Variants in ENPP6 observed in about 807,000 individuals in gnomAD.
The protein encoded by ENPP6 is glycerophosphocholine cholinephosphodiesterase ENPP6.
ENPP6 carries 32 observed loss-of-function variants against 42.0 expected under a neutral mutation model. That is an observed-to-expected ratio of 0.76 (90% CI 0.58 to 1.02). The LOEUF is 1.02. ENPP6 is among the 50% of genes least tolerant of loss of function. ENPP6 has a pLI of 0.00. For missense variants in ENPP6, 552 were observed against 566.8 expected (o/e 0.97, Z 0.27); for synonymous variants, 213 against 216.0 (o/e 0.99, Z 0.12).
intron 1 of ENPP6, among the ~76,000 whole-genome samples, chr4:184,163,222 A>T (rs1297049926): frequency 6.6e-6 from 1 of 152,218 alleles, no homozygotes. Flanking sequence ...CTTTGATGGT[A>T]TCACACATTC....
At chr4:184,185,809 G>A (rs1397128256) in intron 1 of ENPP6, among the ~76,000 whole-genome samples, 1 of 152,176 alleles carries the variant, frequency 6.6e-6, no homozygotes, top group Non-Finnish European at 1.5e-5. Flanking sequence ...CAAACGTACT[G>A]CTTGAAACTT....
At chr4:184,103,589 G>T (rs560270944) in intron 6 of ENPP6, among the ~76,000 whole-genome samples, 13 of 152,198 alleles carry the variant, frequency 8.5e-5, no homozygotes, top group Non-Finnish European at 1.8e-4. Context: ...AGTTTGGCTG[G>T]CTTGGATGGT....
intron 6 of ENPP6, among the ~76,000 whole-genome samples, chr4:184,110,870 G>C (rs1456092280): frequency 6.6e-6 from 1 of 152,148 alleles, no homozygotes; most frequent in Non-Finnish European, 1.5e-5. Flanking sequence ...CGGATGCCTT[G>C]AGGTCTCCCA....
chr4:184,213,647 G>A (rs1288156629), intron 1 of ENPP6, among the ~76,000 whole-genome samples: 2 of 149,442 alleles, frequency 1.3e-5, no homozygotes, highest in African/African-American at 4.9e-5. Context: ...TGGTGGGACT[G>A]TAAACTAGTT....
At chr4:184,143,796 T>C (rs993698955) in intron 2 of ENPP6, among the ~76,000 whole-genome samples, 1 of 152,238 alleles carries the variant, frequency 6.6e-6, no homozygotes, top group Admixed American at 6.5e-5. Context: ...TGCATGGATC[T>C]GGAATCCATG....
intron 1 of ENPP6, among the ~76,000 whole-genome samples, chr4:184,211,360 AAGAG>A (rs945052575): frequency 1.3e-5 from 2 of 152,204 alleles, no homozygotes; most frequent in African/African-American, 4.8e-5. Flanking sequence ...TAAAGAAAAA[AAGAG>A]AGAAGAATCA....
chr4:184,143,354 C>A (rs1265328590), intron 2 of ENPP6, among the ~76,000 whole-genome samples: 1 of 152,228 alleles, frequency 6.6e-6, no homozygotes, highest in Non-Finnish European at 1.5e-5. Context: ...TGGTTCTGAG[C>A]CACTCATAGG....
intron 1 of ENPP6, among the ~76,000 whole-genome samples, chr4:184,210,106 C>A (rs1344396900): frequency 1.3e-5 from 2 of 151,466 alleles, no homozygotes; most frequent in Non-Finnish European, 2.9e-5. Context: ...GGGAAAGGAA[C>A]AACCGGTACC....
chr4:184,107,136 C>A lies in ENPP6; in HGVS notation c.993+5536G>T, dbSNP rs566177118. On this transcript the variant is annotated intron_variant, in intron 6 of 7. Transcript: ENST00000296741. ...AGAACCACGGTGGAGCCAACCTGGG[C>A]GGGACTTCCGTGCTCTGGGGAAGAG... Among the ~76,000 whole-genome samples the A allele has an allele frequency of 5.9e-5, 9 of 152,182 alleles. No homozygotes were observed. The South Asian group carries it at 1.9e-3, about 32-fold the overall frequency.
chr4:184,091,309 G>T lies in ENPP6; in HGVS notation c.1191C>A (p.Gly397=), dbSNP rs761891875. Residue 397 remains glycine (G), a synonymous_variant, in exon 8 of 8, where the codon GGC becomes GGA. Coordinates refer to ENST00000296741, the MANE Select transcript of ENPP6 (RefSeq NM_153343.4). ...ATCCGTTGTTGGGCAGCGGGGTGATGCCCACCACATTGCACATGACATTGT... is the reference window on the plus strand; with the variant it reads ...ATCCGTTGTTGGGCAGCGGGGTGATTCCCACCACATTGCACATGACATTGT... The part of the protein sequence containing the change: ...DVYNVMCNVV[G]ITPLPNNGSW... 1.2e-6 allele frequency: 2 copies of T among 1,613,750 alleles called. No individual in the cohort carries two copies. The highest frequency in any genetic ancestry group is 1.6e-4 in the Middle Eastern group (1 of 6,080).
chr4:184,139,383 T>A (rs1736783045), intron 2 of ENPP6, among the ~76,000 whole-genome samples: 1 of 151,648 alleles, frequency 6.6e-6, no homozygotes. Flanking sequence ...TACTTTAAGT[T>A]TTCGGGTACA....
intron 1 of ENPP6, among the ~76,000 whole-genome samples, chr4:184,170,917 A>G (rs1290653241): frequency 6.6e-6 from 1 of 152,214 alleles, no homozygotes; most frequent in African/African-American, 2.4e-5. Flanking sequence ...TTTTAGTCAC[A>G]AAATCCCTTC....
intron 1 of ENPP6, among the ~76,000 whole-genome samples, chr4:184,183,602 G>A (rs1732589211): frequency 6.6e-6 from 1 of 152,044 alleles, no homozygotes; most frequent in Non-Finnish European, 1.5e-5. Flanking sequence ...CTTCTTTCTT[G>A]GAAAAGCAAA....
At chr4:184,133,336 G>T (rs4343762) in intron 2 of ENPP6, among the ~76,000 whole-genome samples, 97,259 of 151,994 alleles carry the variant, frequency 0.64, 31,435 homozygotes, top group Non-Finnish European at 0.68. Context: ...TTGATATTAA[G>T]TTCTTGAGCC....
chr4:184,204,933 A>G (rs1168899678), intron 1 of ENPP6, among the ~76,000 whole-genome samples: 1 of 152,064 alleles, frequency 6.6e-6, no homozygotes, highest in East Asian at 1.9e-4. Flanking sequence ...TTTTCGCTAT[A>G]GTAATTTTTT....
At chr4:184,208,965 A>G (rs1293739046) in intron 1 of ENPP6, among the ~76,000 whole-genome samples, 3 of 141,422 alleles carry the variant, frequency 2.1e-5, no homozygotes, top group South Asian at 2.2e-4. Context: ...GGCACCCCCC[A>G]GCAGGAGCAC....
At chr4:184,178,455 A>G (rs936313471) in intron 1 of ENPP6, among the ~76,000 whole-genome samples, 1 of 152,204 alleles carries the variant, frequency 6.6e-6, no homozygotes, top group Non-Finnish European at 1.5e-5. Context: ...ATTTCAGTAT[A>G]TCATCCAGGA....
intron 3 of ENPP6, among the ~76,000 whole-genome samples, chr4:184,120,175 C>T (rs1736393506): frequency 6.6e-6 from 1 of 152,174 alleles, no homozygotes; most frequent in Non-Finnish European, 1.5e-5. Context: ...AGGAGCCAGT[C>T]TCCTAGCCCC....
intron 3 of ENPP6, among the ~76,000 whole-genome samples, chr4:184,118,207 C>A (rs79466712): frequency 1.3e-5 from 2 of 152,166 alleles, no homozygotes; most frequent in Non-Finnish European, 1.5e-5. Flanking sequence ...GCTTTAGGTA[C>A]GTGCACATTT....
Sources: allele counts gnomAD v4.1 joint callset (sites outside exome capture counted in the v4.1 genomes callset), GRCh38; gene constraint gnomAD v4.1.1; transcripts MANE v1.5; gene names NCBI Gene and HGNC (gene_info 2026-07-23, HGNC 2026-07-21).